The following TAB2 variants were observed in gnomAD, a reference collection of about 807,000 sequenced individuals.
The protein encoded by TAB2 is TGF-beta-activated kinase 1 and MAP3K7-binding protein 2.
In TAB2, 3 loss-of-function variants were observed where a neutral mutation model predicts 65.0. That is an observed-to-expected ratio of 0.05 (90% CI 0.02 to 0.12). The LOEUF (loss-of-function observed/expected upper bound fraction) is 0.12, where lower values mean the gene tolerates loss of function less well. TAB2 is among the 10% of genes least tolerant of loss of function. The pLI is 1.00. For missense variants in TAB2, 623 were observed against 840.3 expected (o/e 0.74, Z 3.20); for synonymous variants, 298 against 285.1 (o/e 1.05, Z -0.46).
intron 1 of TAB2, among the ~76,000 whole-genome samples, chr6:149,226,479 A>G (rs1172626045): frequency 2.0e-5 from 3 of 152,210 alleles, no homozygotes; most frequent in Non-Finnish European, 4.4e-5. Flanking sequence ...CTGCTGTGTG[A>G]TGCTCACACA....
At chr6:149,247,430 A>G (rs1003865164) in intron 1 of TAB2, 9 of 152,212 alleles carry the variant, frequency 5.9e-5, no homozygotes, top group African/African-American at 1.9e-4. Context: ...ACATGCAAGC[A>G]TGGGGTCCTC....
intron 1 of TAB2, among the ~76,000 whole-genome samples, chr6:149,262,782 T>G: frequency 6.6e-6 from 1 of 152,154 alleles, no homozygotes; most frequent in East Asian, 1.9e-4. Flanking sequence ...TGATATTCTC[T>G]TAACTCCTTT....
chr6:149,321,521 A>T (rs965324293), intron 1 of TAB2: 2 of 152,190 alleles, frequency 1.3e-5, no homozygotes, highest in Non-Finnish European at 2.9e-5. Flanking sequence ...TCCATCTCTC[A>T]AAACAGCCTA....
intron 6 of TAB2, among the ~76,000 whole-genome samples, chr6:149,404,457 G>A (rs888783236): frequency 6.6e-6 from 1 of 152,124 alleles, no homozygotes; most frequent in Non-Finnish European, 1.5e-5. Flanking sequence ...TATGGAACCA[G>A]AAAAGACCCT....
intron 6 of TAB2, chr6:149,400,243 G>A: frequency 1.2e-6 from 1 of 816,776 alleles, no homozygotes; most frequent in South Asian, 1.8e-5. Context: ...CACACAGCGG[G>A]AGGGGAGGGA....
At chr6:149,290,466 C>A (rs926731648) in intron 1 of TAB2, among the ~76,000 whole-genome samples, 8 of 152,202 alleles carry the variant, frequency 5.3e-5, no homozygotes, top group African/African-American at 1.9e-4. Context: ...CTGCCCCACT[C>A]TACTTCACTA....
At chr6:149,369,822 A>G (rs1452261467) in intron 1 of TAB2, 87 bp from the exon 2 acceptor site, 4 of 630,822 alleles carry the variant, frequency 6.3e-6, no homozygotes, top group Non-Finnish European at 1.1e-5. Context: ...GCTAAAGCAC[A>G]TATTCTTTTG....
intron 1 of TAB2, among the ~76,000 whole-genome samples, chr6:149,258,984 A>G (rs1218060080): frequency 6.6e-6 from 1 of 152,182 alleles, no homozygotes; most frequent in Non-Finnish European, 1.5e-5. Context: ...GCCACAAACC[A>G]AAGAATGAGG....
intron 1 of TAB2, among the ~76,000 whole-genome samples, chr6:149,357,430 A>AAAAAAACACAAACACACAC: frequency 9.0e-6 from 1 of 111,146 alleles, no homozygotes; most frequent in Non-Finnish European, 1.8e-5. Flanking sequence ...AGAAAAAAAA[A>AAAAAAACACAAACACACAC]ACACACACAC....
chr6:149,352,315 T>G (rs1428602241), intron 1 of TAB2, among the ~76,000 whole-genome samples: 2 of 152,146 alleles, frequency 1.3e-5, no homozygotes, highest in African/African-American at 4.8e-5. Flanking sequence ...TTATTGTACA[T>G]CTACATTTTC....
At chr6:149,357,060 TAA>T (rs369091850) in intron 1 of TAB2, among the ~76,000 whole-genome samples, 11 of 152,324 alleles carry the variant, frequency 7.2e-5, no homozygotes, top group South Asian at 2.1e-4. Context: ...AAAACTGAAA[TAA>T]CCACGTCTTT....
At chr6:149,329,680 TG>T (rs1218129088) in intron 1 of TAB2, among the ~76,000 whole-genome samples, 7 of 76,420 alleles carry the variant, frequency 9.2e-5, no homozygotes, top group African/African-American at 3.5e-4. Context: ...GGGGCGGGGT[TG>T]GGGGGTGGAA....
At chr6:149,382,110 T>TC (rs1000901109) in intron 3 of TAB2, among the ~76,000 whole-genome samples, 3 of 152,220 alleles carry the variant, frequency 2.0e-5, no homozygotes, top group East Asian at 3.9e-4. Flanking sequence ...GAGCAGCTTC[T>TC]CCCCCCAGCT....
At chr6:149,337,456 T>C (rs1346365747) in intron 1 of TAB2, among the ~76,000 whole-genome samples, 1 of 152,138 alleles carries the variant, frequency 6.6e-6, no homozygotes, top group African/African-American at 2.4e-5. Flanking sequence ...AAAACCACAC[T>C]GAGGGGTTTT....
At chr6:149,294,111 CTA>C (rs1214235092) in intron 1 of TAB2, among the ~76,000 whole-genome samples, 2 of 152,130 alleles carry the variant, frequency 1.3e-5, no homozygotes, top group African/African-American at 2.4e-5. Context: ...TAGTCAGTAG[CTA>C]TGTTAGTTTG....
rs1562389258 is a variant in TAB2, at chr6:149,253,966, GAAAGAAAGAAAGA to G, written c.-121+35193_-121+35205del. ...AGAGAAAGAAAGAAAGAAAAAGAAA[GAAAGAAAGAAAGA>G]AAGAAAGAAAGAAAGAAAGAAAGAA... On this transcript the variant is annotated intron_variant, in intron 1 of 1. Transcript: ENST00000606202. Among the ~76,000 whole-genome samples the G allele has an allele frequency of 2.6e-5, 2 of 76,516 alleles. 1 individual carries two copies. The highest frequency in any genetic ancestry group is 1.0e-4 in the African/African-American group (2 of 19,598). The allele number at this position is 76,516 out of a possible 152,430, so 50.2% of individuals were successfully genotyped here.
chr6:149,323,317 A>C (rs1407081226), intron 1 of TAB2, among the ~76,000 whole-genome samples: 1 of 152,138 alleles, frequency 6.6e-6, no homozygotes, highest in Non-Finnish European at 1.5e-5. Flanking sequence ...GTCTTCATTA[A>C]CCTATTTCTA....
intron 6 of TAB2, among the ~76,000 whole-genome samples, chr6:149,409,193 G>C (rs1396049701): frequency 1.3e-5 from 2 of 152,110 alleles, no homozygotes; most frequent in Non-Finnish European, 2.9e-5. Flanking sequence ...TACTGCAGTG[G>C]GAAACGAAAC....
intron 1 of TAB2, among the ~76,000 whole-genome samples, chr6:149,294,434 G>A (rs555542427): frequency 2.6e-5 from 4 of 152,246 alleles, no homozygotes; most frequent in African/African-American, 7.2e-5. Context: ...TGAAAAGACC[G>A]TATCTTTAAA....
Sources: gnomAD v4.1 joint callset for allele counts (sites outside exome capture counted in the v4.1 genomes callset) on GRCh38, gnomAD v4.1.1 for gene constraint, MANE v1.5 for transcripts, NCBI Gene and HGNC (gene_info 2026-07-23, HGNC 2026-07-21) for gene names.